HERC4: variants seen among roughly 807,000 people sequenced by gnomAD.
The protein encoded by HERC4 is HECT and RLD domain containing E3 ubiquitin protein ligase 4.
Under a neutral mutation model 124.3 loss-of-function variants are expected in HERC4, and 28 were observed. The ratio of observed to expected loss-of-function variants is 0.23; its 90% CI spans 0.17 to 0.31. HERC4 has a LOEUF of 0.31. Ranked by LOEUF, HERC4 falls within the 10% of genes least tolerant of loss-of-function variation. The probability of loss-of-function intolerance (pLI) is 1.00; values close to 1 mark genes in which losing one functional copy is unlikely to be tolerated. For synonymous variants in HERC4, 407 were observed against 421.5 expected (o/e 0.97, Z 0.42); for missense variants, 713 against 1,229.3 (o/e 0.58, Z 6.28).
At chr10:67,963,554 C>A (rs1446902826) in intron 16 of HERC4, among the ~76,000 whole-genome samples, 2 of 152,084 alleles carry the variant, frequency 1.3e-5, no homozygotes, top group South Asian at 2.1e-4. Context: ...TCTTAGAGTT[C>A]TTTTAAGAGC....
chr10:67,925,846 C>A (rs765963591), intron 23 of HERC4, among the ~76,000 whole-genome samples: 2 of 152,180 alleles, frequency 1.3e-5, no homozygotes, highest in Non-Finnish European at 2.9e-5. Context: ...ACTGAGGCCT[C>A]CTGCCAACAG....
At chr10:67,976,833 T>C (rs1441940639) in intron 15 of HERC4, among the ~76,000 whole-genome samples, 5 of 152,188 alleles carry the variant, frequency 3.3e-5, no homozygotes, top group African/African-American at 7.2e-5. Flanking sequence ...AGCTGACTCC[T>C]GTCCACAGAG....
chr10:67,984,403 A>C lies in HERC4; in HGVS notation c.1806+4260T>G, dbSNP rs115463976. Reference sequence around the variant, plus strand: ...TGAAATAAGCCAGGCACAGAGACAAATATCGCATGTTCTCACTTATTTGTA... The same window carrying C: ...TGAAATAAGCCAGGCACAGAGACAACTATCGCATGTTCTCACTTATTTGTA... On this transcript the variant is annotated intron_variant, in intron 15 of 24. Transcript: ENST00000373700. Among the ~76,000 whole-genome samples, 893 of 152,222 alleles carry C rather than the reference A, an allele frequency of 5.9e-3. 12 individuals are homozygous for C. The highest frequency in any genetic ancestry group is 0.021 in the African/African-American group (858 of 41,530).
chr10:68,056,784 G>A (rs1236277360), intron 3 of HERC4, among the ~76,000 whole-genome samples: 1 of 152,082 alleles, frequency 6.6e-6, no homozygotes, highest in African/African-American at 2.4e-5. Flanking sequence ...AGGAAACTAA[G>A]GACCCAATAG....
intron 20 of HERC4, among the ~76,000 whole-genome samples, chr10:67,940,101 T>C (rs2032747500): frequency 6.6e-6 from 1 of 152,030 alleles, no homozygotes; most frequent in Non-Finnish European, 1.5e-5. Context: ...CTAATTTTTG[T>C]ATTTTTAGTA....
intron 3 of HERC4, among the ~76,000 whole-genome samples, chr10:68,054,130 G>C (rs2133634807): frequency 6.6e-6 from 1 of 152,146 alleles, no homozygotes; most frequent in Admixed American, 6.5e-5. Context: ...GCAATGCAGA[G>C]TATACCTAAA....
At chr10:68,023,350 T>C (rs1295538915) in intron 8 of HERC4, among the ~76,000 whole-genome samples, 2 of 152,202 alleles carry the variant, frequency 1.3e-5, no homozygotes, top group African/African-American at 2.4e-5. Context: ...AATGGAATGC[T>C]GTTCAGCCTT....
chr10:67,927,393 TATATATATATATATATA>T (rs2031125370), intron 23 of HERC4, among the ~76,000 whole-genome samples: 1 of 5,848 alleles, frequency 1.7e-4, no homozygotes. Context: ...TATATATATA[TATATATATATATATATA>T]TATATATATA....
At chr10:67,938,228 G>A (rs1302716611) in intron 21 of HERC4, among the ~76,000 whole-genome samples, 2 of 151,592 alleles carry the variant, frequency 1.3e-5, no homozygotes, top group Non-Finnish European at 2.9e-5. Flanking sequence ...AGATCACGAG[G>A]TCAAGAGATT....
chr10:68,004,932 T>TG (rs1383028990), intron 9 of HERC4, among the ~76,000 whole-genome samples: 3 of 152,170 alleles, frequency 2.0e-5, no homozygotes, highest in Non-Finnish European at 4.4e-5. Flanking sequence ...GAGATTTGGG[T>TG]GGGGGCACAA....
chr10:67,998,841 C>T (rs192134398), intron 9 of HERC4, among the ~76,000 whole-genome samples: 116 of 152,114 alleles, frequency 7.6e-4, no homozygotes, highest in African/African-American at 1.1e-3. Context: ...TGGGTTCAAG[C>T]GATTCTCCTG....
chr10:68,014,152 G>C lies in HERC4; in HGVS notation c.943C>G (p.Arg315Gly). 3.1e-6 allele frequency: 5 copies of C among 1,612,346 alleles called. No individual in the cohort carries two copies. Among genetic ancestry groups the C allele is most frequent in the Non-Finnish European group, 4.2e-6 (5 of 1,179,424 alleles). The change falls in exon 9 of 25, where the codon CGA becomes GGA. Residue 315 changes from arginine (R) to glycine (G), a missense_variant. Transcript: ENST00000373700. The stretch of plus-strand genomic sequence containing the variant: ...CCACCAAGCCCAAAAGAGTAAATTC[G>C]TCCTGATGAAGGAACAAAAGCAGAA... ...HTSAFVPSSG[R>G]IYSFGLGGNG...
chr10:67,988,608 T>C (rs757794571), intron 15 of HERC4, 55 bp downstream of exon 15: 56 of 1,116,698 alleles, frequency 5.0e-5, no homozygotes, highest in Middle Eastern at 2.1e-4. Context: ...ATGAACAGTA[T>C]CAATCTGTTA....
At chr10:68,000,772 T>C (rs1250690322) in intron 9 of HERC4, among the ~76,000 whole-genome samples, 1 of 152,094 alleles carries the variant, frequency 6.6e-6, no homozygotes, top group African/African-American at 2.4e-5. Context: ...GGCCAAGGTC[T>C]ACAAGCGAAG....
At chr10:67,969,363 G>T (rs2035088424) in intron 15 of HERC4, among the ~76,000 whole-genome samples, 1 of 152,112 alleles carries the variant, frequency 6.6e-6, no homozygotes, top group Admixed American at 6.6e-5. Context: ...GGGGTAGCTT[G>T]ATAGTATGAA....
intron 19 of HERC4, among the ~76,000 whole-genome samples, chr10:67,942,176 G>A (rs7086730): frequency 6.6e-6 from 1 of 152,224 alleles, no homozygotes; most frequent in African/African-American, 2.4e-5. Context: ...TAAATAAGAC[G>A]TGGGCTCCAG....
chr10:67,947,386 G>GATA (rs2033449909), intron 19 of HERC4, among the ~76,000 whole-genome samples: 1 of 152,096 alleles, frequency 6.6e-6, no homozygotes, highest in East Asian at 1.9e-4. Context: ...TGATAACAGG[G>GATA]TCAATTCATC....
At chr10:67,972,844 C>A (rs930544422) in intron 15 of HERC4, among the ~76,000 whole-genome samples, 1 of 152,064 alleles carries the variant, frequency 6.6e-6, no homozygotes, top group Non-Finnish European at 1.5e-5. Context: ...GTAATATAAA[C>A]AACATTTTTG....
intron 22 of HERC4, 42 bp from the exon 23 acceptor site, chr10:67,932,822 TG>T (rs1564920076): frequency 6.6e-7 from 1 of 1,513,974 alleles, no homozygotes; most frequent in East Asian, 2.4e-5. Context: ...ATAAAAATCA[TG>T]TATGAAGAAT....
Sources: gnomAD v4.1 joint callset for allele counts (sites outside exome capture counted in the v4.1 genomes callset) on GRCh38, gnomAD v4.1.1 for gene constraint, MANE v1.5 for transcripts, NCBI Gene and HGNC (gene_info 2026-07-23, HGNC 2026-07-21) for gene names.